The following FYB2 variants were observed in gnomAD, a reference collection of about 807,000 sequenced individuals.
FYB2 encodes the protein FYN binding protein 2.
Under a neutral mutation model 94.1 loss-of-function variants are expected in FYB2, and 103 were observed. That is an observed-to-expected ratio of 1.09 (90% CI 0.93 to 1.29). The LOEUF (loss-of-function observed/expected upper bound fraction) is 1.29. FYB2 is among the 50% of genes most tolerant of loss of function. The pLI, the probability that FYB2 is intolerant of heterozygous loss-of-function variation, is 0.00. For missense variants in FYB2, 896 were observed against 841.5 expected (o/e 1.06, Z -0.80); for synonymous variants, 293 against 287.9 (o/e 1.02, Z -0.18).
chr1:56,731,428 C>G (rs1425805641), intron 15 of FYB2, among the ~76,000 whole-genome samples: 1 of 152,146 alleles, frequency 6.6e-6, no homozygotes, highest in Non-Finnish European at 1.5e-5. Context: ...AATCCTCCCA[C>G]TTCTGCCTCC....
chr1:56,796,947 C>T (rs1646414757), intron 1 of FYB2, among the ~76,000 whole-genome samples: 1 of 152,154 alleles, frequency 6.6e-6, no homozygotes, highest in Non-Finnish European at 1.5e-5. Flanking sequence ...GAGGCAACCC[C>T]AACCTTTCAG....
At chr1:56,785,942 C>A (rs1054841399) in intron 4 of FYB2, among the ~76,000 whole-genome samples, 3 of 152,136 alleles carry the variant, frequency 2.0e-5, no homozygotes, top group African/African-American at 7.2e-5. Context: ...TTGCTTGGAC[C>A]AATAAGATGT....
At chr1:56,742,533 T>C (rs1435781300) in intron 11 of FYB2, among the ~76,000 whole-genome samples, 6 of 152,082 alleles carry the variant, frequency 3.9e-5, no homozygotes, top group African/African-American at 1.4e-4. Context: ...CTGTATTTAA[T>C]ACATAACAAT....
At chr1:56,791,879 G>T (rs775837781) in intron 2 of FYB2, among the ~76,000 whole-genome samples, 177 bp downstream of exon 2, 2 of 151,944 alleles carry the variant, frequency 1.3e-5, no homozygotes, top group Non-Finnish European at 2.9e-5. Context: ...AGGAGATTAA[G>T]CACTTTACTC....
At chr1:56,808,007 T>G (rs942630279) in intron 1 of FYB2, among the ~76,000 whole-genome samples, 2 of 152,184 alleles carry the variant, frequency 1.3e-5, no homozygotes, top group Non-Finnish European at 2.9e-5. Flanking sequence ...GCCATCATTA[T>G]TATTACTGGT....
intron 6 of FYB2, 115 bp from the exon 7 acceptor site, chr1:56,756,042 A>G: frequency 1.1e-6 from 1 of 929,148 alleles, no homozygotes; most frequent in Non-Finnish European, 1.7e-6. Context: ...AAGCCTCAGT[A>G]GAGAGCAAAG....
intron 1 of FYB2, among the ~76,000 whole-genome samples, chr1:56,818,044 A>G (rs1479088177): frequency 1.3e-5 from 2 of 152,222 alleles, no homozygotes; most frequent in Non-Finnish European, 2.9e-5. Context: ...AATGGATGCC[A>G]GTGCGGATCC....
chr1:56,744,280 A>T lies in FYB2; in HGVS notation c.1388-14T>A. ...CCAGATGCCCACCTGAAAGGAAACC[A>T]GAAAACCTGAAAAACATCACATCAG... On this transcript the variant is annotated splice_polypyrimidine_tract_variant and intron_variant, in intron 9 of 19. Coordinates refer to ENST00000343433, the MANE Select transcript of FYB2 (RefSeq NM_001004303.5). 6.3e-7 allele frequency: 1 copy of T among 1,586,098 alleles called. No individual in the cohort carries two copies. Among genetic ancestry groups the T allele is most frequent in the East Asian group, 2.2e-5 (1 of 44,582 alleles).
intron 15 of FYB2, among the ~76,000 whole-genome samples, chr1:56,734,766 T>C (rs1370956721): frequency 6.6e-6 from 1 of 152,040 alleles, no homozygotes; most frequent in Admixed American, 6.6e-5. Flanking sequence ...TATACCTGTG[T>C]AACAAACCTT....
rs540824411 is a variant in FYB2, at chr1:56,721,806, A to G, written c.1975-1477T>C. On this transcript the variant is annotated intron_variant, in intron 17 of 19. Transcript: ENST00000343433. ...CTGTTATGACTGCCATATATAATTT[A>G]CTGTCTTAACTATGCTTTATATCTA... Among the ~76,000 whole-genome samples, 3 of 152,208 alleles carry G rather than the reference A, an allele frequency of 2.0e-5. No homozygotes were observed. The East Asian group carries it at 5.8e-4, about 29-fold the overall frequency.
chr1:56,814,901 T>C (rs1156896968), intron 1 of FYB2, among the ~76,000 whole-genome samples: 1 of 152,100 alleles, frequency 6.6e-6, no homozygotes, highest in Non-Finnish European at 1.5e-5. Context: ...TAGACCTGGG[T>C]TCTGTCAAAA....
intron 1 of FYB2, among the ~76,000 whole-genome samples, chr1:56,812,585 C>A (rs963251465): frequency 2.6e-5 from 4 of 152,064 alleles, no homozygotes; most frequent in African/African-American, 7.2e-5. Context: ...CAAAATGTTT[C>A]ATTATTTTGA....
At chr1:56,811,238 G>A (rs559982718) in intron 1 of FYB2, among the ~76,000 whole-genome samples, 3 of 152,132 alleles carry the variant, frequency 2.0e-5, no homozygotes, top group African/African-American at 4.8e-5. Context: ...CATTCTATAC[G>A]AGTTTCTCTC....
intron 1 of FYB2, among the ~76,000 whole-genome samples, chr1:56,815,929 C>T (rs1570266297): frequency 6.6e-6 from 1 of 152,154 alleles, no homozygotes; most frequent in South Asian, 2.1e-4. Context: ...ATGCACTAGG[C>T]TATACCTCTG....
chr1:56,799,893 A>G (rs1389790107), intron 1 of FYB2, among the ~76,000 whole-genome samples: 1 of 152,222 alleles, frequency 6.6e-6, no homozygotes, highest in African/African-American at 2.4e-5. Flanking sequence ...CAATAAGTTA[A>G]TAGTGACTTG....
At chr1:56,733,446 G>A (rs1303525071) in intron 15 of FYB2, among the ~76,000 whole-genome samples, 2 of 152,018 alleles carry the variant, frequency 1.3e-5, no homozygotes, top group Admixed American at 1.3e-4. Flanking sequence ...GTTCTGTTCT[G>A]ATCTTAGTTA....
At chr1:56,739,895 T>G (rs1644912625) in intron 13 of FYB2, among the ~76,000 whole-genome samples, 1 of 152,092 alleles carries the variant, frequency 6.6e-6, no homozygotes, top group South Asian at 2.1e-4. Flanking sequence ...TAACTTAACA[T>G]ATTTTAGAGT....
At position 56,799,399 on chromosome 1, in the gene FYB2, A is replaced by G. The variant is rs565559825; in HGVS notation, c.10-6596T>C. Among the ~76,000 whole-genome samples the G allele has an allele frequency of 7.2e-5, 11 of 152,290 alleles. No homozygotes were observed. In the South Asian group the frequency reaches 2.3e-3, roughly 32 times the overall value. On this transcript the variant is annotated intron_variant, in intron 1 of 19. Coordinates refer to ENST00000343433, the MANE Select transcript of FYB2 (RefSeq NM_001004303.5). ...TTATGTTAAAAATGTAGCTCTAATC[A>G]CACCATTGAAACAAACAAAAATCCC...
chr1:56,816,858 A>C (rs143599475), intron 1 of FYB2, among the ~76,000 whole-genome samples: 1 of 141,140 alleles, frequency 7.1e-6, no homozygotes. Flanking sequence ...GTCATCAACA[A>C]TTTTCTTTTT....
Sources: allele counts gnomAD v4.1 joint callset (sites outside exome capture counted in the v4.1 genomes callset), GRCh38; gene constraint gnomAD v4.1.1; transcripts MANE v1.5; gene names NCBI Gene and HGNC (gene_info 2026-07-23, HGNC 2026-07-21).